SLC35F4: variants seen among roughly 807,000 people sequenced by gnomAD.
The protein encoded by SLC35F4 is chromosome 14 open reading frame 36.
A neutral mutation model predicts 44.2 loss-of-function variants in SLC35F4; 24 were observed. The ratio of observed to expected loss-of-function variants is 0.54; its 90% confidence interval spans 0.39 to 0.76. SLC35F4 has a LOEUF of 0.76. Among genes scored for constraint, SLC35F4 ranks in the 30% least tolerant of loss-of-function variants. The pLI is 0.00. For missense variants in SLC35F4, 562 were observed against 586.1 expected (o/e 0.96, Z 0.42); for synonymous variants, 238 against 223.6 (o/e 1.06, Z -0.57).
At chr14:57,838,748 G>C (rs1885191360) in intron 1 of SLC35F4, among the ~76,000 whole-genome samples, 7 of 152,020 alleles carry the variant, frequency 4.6e-5, no homozygotes, top group Admixed American at 4.6e-4. Flanking sequence ...TTTTTTTTAA[G>C]AATGATCACT....
At chr14:57,840,368 A>C (rs1289195177) in intron 1 of SLC35F4, among the ~76,000 whole-genome samples, 1 of 152,226 alleles carries the variant, frequency 6.6e-6, no homozygotes, top group Non-Finnish European at 1.5e-5. Context: ...TATTGACTTG[A>C]GCTCCAATAG....
At chr14:57,796,698 A>T (rs150522815) in intron 1 of SLC35F4, among the ~76,000 whole-genome samples, 139 of 152,336 alleles carry the variant, frequency 9.1e-4, no homozygotes, top group African/African-American at 3.2e-3. Context: ...AGTACTACAC[A>T]TGCAGAATGA....
intron 1 of SLC35F4, among the ~76,000 whole-genome samples, chr14:57,774,642 C>T (rs1353735082): frequency 6.6e-6 from 1 of 152,210 alleles, no homozygotes; most frequent in Non-Finnish European, 1.5e-5. Context: ...AGCCTGGCCA[C>T]ACCTGCTTGC....
intron 1 of SLC35F4, among the ~76,000 whole-genome samples, chr14:57,955,931 A>T (rs1176810810): frequency 6.6e-6 from 1 of 152,220 alleles, no homozygotes; most frequent in African/African-American, 2.4e-5. Flanking sequence ...ATAGAATTAT[A>T]AAAAACTACT....
chr14:57,841,320 T>G (rs1019819545), intron 1 of SLC35F4, among the ~76,000 whole-genome samples: 4 of 152,074 alleles, frequency 2.6e-5, no homozygotes, highest in African/African-American at 9.7e-5. Context: ...GGGGTTTGGA[T>G]TCATCGGCAG....
At chr14:57,783,690 G>A (rs1325881963) in intron 1 of SLC35F4, among the ~76,000 whole-genome samples, 1 of 152,112 alleles carries the variant, frequency 6.6e-6, no homozygotes, top group Non-Finnish European at 1.5e-5. Flanking sequence ...TGCCAGCATG[G>A]GATGACCCTT....
chr14:57,831,646 A>G (rs1305211057), intron 1 of SLC35F4, among the ~76,000 whole-genome samples: 1 of 152,196 alleles, frequency 6.6e-6, no homozygotes, highest in Non-Finnish European at 1.5e-5. Context: ...AGCAAGAGGG[A>G]ATATTACCAT....
chr14:57,593,170 G>A (rs1227903227), intron 2 of SLC35F4, among the ~76,000 whole-genome samples: 4 of 152,190 alleles, frequency 2.6e-5, no homozygotes, highest in Non-Finnish European at 4.4e-5. Context: ...TTTCAGGAAC[G>A]TGGAAGTATG....
chr14:57,914,409 G>T (rs1473964834), intron 1 of SLC35F4, among the ~76,000 whole-genome samples: 1 of 151,800 alleles, frequency 6.6e-6, no homozygotes, highest in African/African-American at 2.4e-5. Flanking sequence ...TAAAAATACA[G>T]AAAATAAGCC....
chr14:57,853,837 C>A (rs534047539), intron 1 of SLC35F4, among the ~76,000 whole-genome samples: 1 of 152,188 alleles, frequency 6.6e-6, no homozygotes, highest in African/African-American at 2.4e-5. Context: ...TCAGCCTATA[C>A]CATCTTACCC....
intron 1 of SLC35F4, among the ~76,000 whole-genome samples, chr14:57,752,312 C>T (rs1190745712): frequency 6.6e-6 from 1 of 152,038 alleles, no homozygotes; most frequent in Non-Finnish European, 1.5e-5. Context: ...ACTTGTTCTC[C>T]CCAAAGAGGA....
intron 1 of SLC35F4, among the ~76,000 whole-genome samples, chr14:57,782,369 C>A (rs1425459913): frequency 1.4e-5 from 2 of 143,294 alleles, no homozygotes; most frequent in African/African-American, 2.9e-5. Context: ...ACTGAGTAGC[C>A]TAGAAATATC....
downstream of SLC35F4, among the ~76,000 whole-genome samples, chr14:57,974,024 C>G (rs11628245): frequency 4.6e-5 from 7 of 152,082 alleles, no homozygotes; most frequent in East Asian, 1.9e-4. Flanking sequence ...AAACATCAAC[C>G]ATTTTATTAA....
chr14:57,925,930 T>C (rs1286824680), intron 1 of SLC35F4, among the ~76,000 whole-genome samples: 1 of 152,222 alleles, frequency 6.6e-6, no homozygotes, highest in Non-Finnish European at 1.5e-5. Flanking sequence ...CTTGCCCCTT[T>C]ACAGGGGCTT....
intron 1 of SLC35F4, among the ~76,000 whole-genome samples, chr14:57,871,456 G>A (rs74811632): frequency 0.017 from 2,652 of 152,210 alleles, 79 homozygotes; most frequent in African/African-American, 0.056. Flanking sequence ...CTGTGTTGGT[G>A]GTTATACATT....
At chr14:57,755,410 G>C (rs1205813905) in intron 1 of SLC35F4, among the ~76,000 whole-genome samples, 1 of 152,122 alleles carries the variant, frequency 6.6e-6, no homozygotes, top group Admixed American at 6.6e-5. Flanking sequence ...AATCTAAAAG[G>C]CCTATTTTAA....
upstream of SLC35F4, among the ~76,000 whole-genome samples, chr14:57,868,793 A>T (rs1311035312): frequency 3.3e-5 from 5 of 152,172 alleles, no homozygotes; most frequent in Non-Finnish European, 5.9e-5. Flanking sequence ...AAGCATTTTT[A>T]TGTTTGCATG....
At position 57,571,883 on chromosome 14, in the gene SLC35F4, G is replaced by A; in HGVS notation, c.933+11C>T. 2 of 1,607,382 alleles carry A rather than the reference G, an allele frequency of 1.2e-6. No homozygotes were observed. Among genetic ancestry groups the A allele is most frequent in the African/African-American group, 1.3e-5 (1 of 74,822 alleles). On this transcript the variant is annotated intron_variant, in intron 5 of 7. Coordinates refer to ENST00000556826, the MANE Select transcript of SLC35F4 (RefSeq NM_001306087.2). ...GTGACAGTTGCTTACAAAAGAAAGT[G>A]CACAACATACCTTATATAATGCAGA...
At chr14:57,974,074 A>G (rs776557573), downstream of SLC35F4, among the ~76,000 whole-genome samples, 1 of 152,210 alleles carries the variant, frequency 6.6e-6, no homozygotes, top group Non-Finnish European at 1.5e-5. Context: ...GGCAGGACTT[A>G]GACGGGTGAT....
Sources: allele counts gnomAD v4.1 joint callset (sites outside exome capture counted in the v4.1 genomes callset), GRCh38; gene constraint gnomAD v4.1.1; transcripts MANE v1.5; gene names NCBI Gene and HGNC (gene_info 2026-07-23, HGNC 2026-07-21).